Variants in BARD1 observed in about 807,000 individuals in gnomAD.
The protein encoded by BARD1 is BRCA1 associated RING domain 1.
A neutral mutation model predicts 77.0 loss-of-function variants in BARD1; 73 were observed. The ratio of observed to expected loss-of-function variants is 0.95; its 90% CI spans 0.79 to 1.15. The LOEUF is 1.15. Among genes scored for constraint, BARD1 ranks in the 50% most tolerant of loss-of-function variants. The probability of loss-of-function intolerance (pLI) is 0.00; values close to 1 mark genes in which losing one functional copy is unlikely to be tolerated. For synonymous variants in BARD1, 384 were observed against 338.0 expected (o/e 1.14, Z -1.49); for missense variants, 993 against 938.8 (o/e 1.06, Z -0.75).
At chr2:214,761,129 C>G (rs6750948) in intron 6 of BARD1, among the ~76,000 whole-genome samples, 10 of 151,738 alleles carry the variant, frequency 6.6e-5, no homozygotes, top group African/African-American at 2.4e-4. Context: ...ATACACTGGT[C>G]TATCAGAGTG....
intron 1 of BARD1, among the ~76,000 whole-genome samples, chr2:214,801,123 A>G (rs1311406190): frequency 1.3e-5 from 2 of 152,216 alleles, no homozygotes; most frequent in Admixed American, 6.5e-5. Context: ...AGTCTGTCCT[A>G]TTGACTCTGT....
chr2:214,806,506 C>T (rs1696278311), intron 1 of BARD1, among the ~76,000 whole-genome samples: 1 of 152,166 alleles, frequency 6.6e-6, no homozygotes, highest in Admixed American at 6.5e-5. Context: ...GCTGGCCATG[C>T]TTTTTTCACT....
Position 214,726,871 on chromosome 2 carries a change from A to G in BARD1, c.*1805T>C. 2 of 228,948 alleles carry G rather than the reference A, an allele frequency of 8.7e-6. No individual in the cohort carries two copies. The highest frequency in any genetic ancestry group is 1.7e-5 in the Non-Finnish European group (2 of 115,342). 14.2% of individuals were successfully genotyped at this position (228,948 alleles called of 1,614,324 possible). ...TGATAAACCAAGAAAATGAATGACA[A>G]AAACTAAGAGACCTCATAGGTGTCT... On this transcript the variant is annotated 3_prime_UTR_variant, in exon 11 of 11. Transcript: ENST00000260947.
intron 6 of BARD1, among the ~76,000 whole-genome samples, chr2:214,765,545 C>G (rs1360986993): frequency 6.6e-6 from 1 of 152,170 alleles, no homozygotes; most frequent in African/African-American, 2.4e-5. Context: ...GCTAGATTCC[C>G]TAACGCCCTG....
rs78238082 is a variant in BARD1 at position 214,726,244 on chromosome 2, T to C, written c.*2432A>G. ...AAAGAAAAAACAATTGAGATAGATATGGTAAAGTATTAGCAGAGACAGAAA... is the reference window on the plus strand; with the variant it reads ...AAAGAAAAAACAATTGAGATAGATACGGTAAAGTATTAGCAGAGACAGAAA... On this transcript the variant is annotated 3_prime_UTR_variant, in exon 11 of 11. Transcript: ENST00000260947. 12,580 of 203,842 alleles carry C rather than the reference T, an allele frequency of 0.062. 555 individuals are homozygous for C. Among genetic ancestry groups the C allele is most frequent in the African/African-American group, 0.13 (5,817 of 43,820 alleles). 12.6% of individuals were successfully genotyped at this position (203,842 alleles called of 1,614,324 possible). A position where few individuals can be genotyped will look rare whatever the true frequency, so the allele number is the denominator to read the frequency against.
chr2:214,742,064 T>G (rs1182627536), intron 9 of BARD1, among the ~76,000 whole-genome samples: 1 of 152,224 alleles, frequency 6.6e-6, no homozygotes, highest in Non-Finnish European at 1.5e-5. Flanking sequence ...TTCCTAATAG[T>G]TAATCCTGAA....
chr2:214,767,589 C>T lies in BARD1; in HGVS notation c.1461G>A (p.Val487=), dbSNP rs1694272372. The T allele has an allele frequency of 6.2e-7, 1 of 1,614,066 alleles. No homozygotes were observed. The highest frequency in any genetic ancestry group is 1.1e-5 in the South Asian group (1 of 91,076). Residue 487 remains valine (V), a synonymous_variant, in exon 6 of 11, where the codon GTG becomes GTA. Transcript: ENST00000260947. Reference sequence around the variant, plus strand: ...AGTCATTTTGATACCCGGTGGTGTTCACCAATGCCTTATGCTGGAGCAATA... The same window carrying T: ...AGTCATTTTGATACCCGGTGGTGTTTACCAATGCCTTATGCTGGAGCAATA... ...VELLLQHKAL[V]NTTGYQNDSP...
intron 4 of BARD1, among the ~76,000 whole-genome samples, chr2:214,770,202 G>A (rs969587175): frequency 2.6e-5 from 4 of 152,198 alleles, no homozygotes; most frequent in African/African-American, 9.7e-5. Flanking sequence ...CACAGAATTA[G>A]CATTAAATTT....
intron 1 of BARD1, among the ~76,000 whole-genome samples, chr2:214,797,414 A>G (rs1695810700): frequency 2.0e-5 from 3 of 152,304 alleles, no homozygotes; most frequent in Admixed American, 1.3e-4. Context: ...TAAACCTCTT[A>G]AGGCAAAACC....
chr2:214,788,485 A>G lies in BARD1; in HGVS notation c.364+3812T>C, dbSNP rs1345299985. On this transcript the variant is annotated intron_variant, in intron 3 of 10. Transcript: ENST00000260947. ...GGCTTCTTTATCTCCAGTATACCAT[A>G]CACTATGTCCATGATTTGACAAGTT... Among the ~76,000 whole-genome samples the G allele has an allele frequency of 5.3e-5, 8 of 152,242 alleles. No individual in the cohort carries two copies. In the East Asian group the frequency reaches 1.5e-3, roughly 29 times the overall value.
At chr2:214,738,935 A>C (rs1456855346) in intron 9 of BARD1, among the ~76,000 whole-genome samples, 2 of 152,084 alleles carry the variant, frequency 1.3e-5, no homozygotes, top group African/African-American at 4.8e-5. Flanking sequence ...GCTTGAAACA[A>C]GGAGTTCAAG....
chr2:214,784,466 T>G (rs1395094458), intron 3 of BARD1, among the ~76,000 whole-genome samples: 3 of 152,176 alleles, frequency 2.0e-5, no homozygotes, highest in Non-Finnish European at 4.4e-5. Flanking sequence ...GAAGACAGTG[T>G]GGCAATTCCT....
At chr2:214,734,953 T>C (rs957653532) in intron 9 of BARD1, among the ~76,000 whole-genome samples, 1 of 152,190 alleles carries the variant, frequency 6.6e-6, no homozygotes, top group Non-Finnish European at 1.5e-5. Flanking sequence ...GATTAGTGAA[T>C]AATGAAACAC....
In BARD1 at chr2:214,726,457, A is replaced by G. The variant is rs1692088854; in HGVS notation, c.*2219T>C. On this transcript the variant is annotated 3_prime_UTR_variant, in exon 11 of 11. Coordinates refer to ENST00000260947, the MANE Select transcript of BARD1 (RefSeq NM_000465.4). ...TCAAAGTTATACTGTATTCGGAATA[A>G]TCTAAGGTAATAAAGTATCTAGTAC... The G allele has an allele frequency of 4.7e-6, 1 of 213,594 alleles. No homozygotes were observed. Among genetic ancestry groups the G allele is most frequent in the South Asian group, 1.9e-4 (1 of 5,360 alleles). The allele number at this position is 213,594 out of a possible 1,614,324, so 13.2% of individuals were successfully genotyped here.
chr2:214,750,136 G>T (rs1693337436), intron 7 of BARD1, among the ~76,000 whole-genome samples: 1 of 152,014 alleles, frequency 6.6e-6, no homozygotes, highest in Non-Finnish European at 1.5e-5. Flanking sequence ...GAGCAGTACT[G>T]GGATCTGGTG....
intron 6 of BARD1, among the ~76,000 whole-genome samples, chr2:214,761,784 A>G (rs1693976869): frequency 6.6e-6 from 1 of 152,248 alleles, no homozygotes; most frequent in Non-Finnish European, 1.5e-5. Flanking sequence ...TAATATGGAT[A>G]TTAGTATTGA....
chr2:214,743,696 G>A (rs1318709554), intron 9 of BARD1, among the ~76,000 whole-genome samples: 3 of 113,940 alleles, frequency 2.6e-5, no homozygotes, highest in Non-Finnish European at 3.8e-5. Context: ...TGATTCTCCT[G>A]CCTCAGCCTC....
chr2:214,777,890 G>C (rs1000516454), intron 4 of BARD1, among the ~76,000 whole-genome samples: 1 of 152,178 alleles, frequency 6.6e-6, no homozygotes, highest in East Asian at 1.9e-4. Flanking sequence ...GGATAGGAAT[G>C]AAATGAAAAC....
At chr2:214,805,880 C>T (rs979940404) in intron 1 of BARD1, among the ~76,000 whole-genome samples, 3 of 152,164 alleles carry the variant, frequency 2.0e-5, no homozygotes, top group African/African-American at 7.2e-5. Flanking sequence ...CCCACTCTCA[C>T]CCTCAAAAAT....
Sources: allele counts gnomAD v4.1 joint callset (sites outside exome capture counted in the v4.1 genomes callset), GRCh38; gene constraint gnomAD v4.1.1; transcripts MANE v1.5; gene names NCBI Gene and HGNC (gene_info 2026-07-23, HGNC 2026-07-21).